SYNDIG1: variants seen among roughly 807,000 people sequenced by gnomAD.
The protein encoded by SYNDIG1 is synapse differentiation inducing 1.
SYNDIG1 carries 9 observed loss-of-function variants against 19.4 expected under a neutral mutation model. The observed-to-expected ratio is 0.46, with a 90% CI of 0.28 to 0.81. The LOEUF is 0.81. SYNDIG1 is among the 30% of genes least tolerant of loss of function. The probability of loss-of-function intolerance (pLI) is 0.12; values close to 1 mark genes in which losing one functional copy is unlikely to be tolerated. For synonymous variants in SYNDIG1, 141 were observed against 145.9 expected (o/e 0.97, Z 0.24); for missense variants, 311 against 343.3 (o/e 0.91, Z 0.74).
chr20:24,549,300 T>G (rs1009913757), intron 2 of SYNDIG1, among the ~76,000 whole-genome samples: 3 of 152,258 alleles, frequency 2.0e-5, no homozygotes, highest in East Asian at 3.9e-4. Context: ...CTTCCACGAG[T>G]GGAACATGCA....
At chr20:24,497,106 T>C (rs1226651445) in intron 1 of SYNDIG1, among the ~76,000 whole-genome samples, 2 of 152,236 alleles carry the variant, frequency 1.3e-5, no homozygotes, top group Non-Finnish European at 2.9e-5. Context: ...ATATTTGAAA[T>C]GAGATGATTG....
intron 3 of SYNDIG1, among the ~76,000 whole-genome samples, chr20:24,602,388 T>A (rs774518893): frequency 4.6e-5 from 7 of 152,184 alleles, no homozygotes; most frequent in Non-Finnish European, 1.0e-4. Context: ...ACACTCAAGC[T>A]CCGAGGTGAA....
intron 3 of SYNDIG1, among the ~76,000 whole-genome samples, chr20:24,591,155 T>C (rs1051399143): frequency 6.6e-6 from 1 of 151,650 alleles, no homozygotes; most frequent in Non-Finnish European, 1.5e-5. Flanking sequence ...ATTTAGAAAA[T>C]GCACGTATTT....
intron 3 of SYNDIG1, among the ~76,000 whole-genome samples, chr20:24,588,424 G>A (rs778251724): frequency 6.6e-6 from 1 of 152,230 alleles, no homozygotes; most frequent in Non-Finnish European, 1.5e-5. Flanking sequence ...TGTGCGCCAG[G>A]TTCAGCGCTG....
intron 3 of SYNDIG1, among the ~76,000 whole-genome samples, chr20:24,651,262 C>G (rs950247947): frequency 1.3e-5 from 2 of 152,130 alleles, no homozygotes; most frequent in African/African-American, 4.8e-5. Context: ...GGGCCATTCC[C>G]CAAATATCAT....
chr20:24,614,384 A>G (rs1404794925), intron 3 of SYNDIG1, among the ~76,000 whole-genome samples: 1 of 152,198 alleles, frequency 6.6e-6, no homozygotes, highest in African/African-American at 2.4e-5. Flanking sequence ...TACAATAAAT[A>G]TACTTTTTTG....
At chr20:24,637,744 G>T (rs954557166) in intron 3 of SYNDIG1, among the ~76,000 whole-genome samples, 2 of 152,206 alleles carry the variant, frequency 1.3e-5, no homozygotes, top group Non-Finnish European at 2.9e-5. Flanking sequence ...AGGTGTACAG[G>T]TGTCACCAAG....
At chr20:24,649,178 G>T (rs963093377) in intron 3 of SYNDIG1, among the ~76,000 whole-genome samples, 1 of 152,208 alleles carries the variant, frequency 6.6e-6, no homozygotes, top group African/African-American at 2.4e-5. Flanking sequence ...GAGACATCCT[G>T]TTGAGGAGAT....
rs573164200 is a variant in SYNDIG1, at chr20:24,649,267, G to A, written c.619-16079G>A. On this transcript the variant is annotated intron_variant, in intron 3 of 3. Coordinates refer to ENST00000376862, the MANE Select transcript of SYNDIG1 (RefSeq NM_024893.3). The stretch of plus-strand genomic sequence containing the variant: ...TTGGGTGGACACTCAGCTGACCATC[G>A]TTTTTATGTTTACTCCCCTCATTCA... 5.3e-5 allele frequency among the ~76,000 whole-genome samples: 8 copies of A among 152,270 alleles called. No homozygotes were observed. The East Asian group carries it at 9.6e-4, about 18-fold the overall frequency.
intron 2 of SYNDIG1, among the ~76,000 whole-genome samples, chr20:24,557,627 G>A (rs900968259): frequency 9.2e-5 from 14 of 152,266 alleles, no homozygotes; most frequent in East Asian, 5.8e-4. Flanking sequence ...GTGGATTTTC[G>A]TGAACCTCGA....
Position 24,637,992 on chromosome 20 carries a change from G to A in SYNDIG1, c.619-27354G>A, listed in dbSNP as rs552825745. Among the ~76,000 whole-genome samples the A allele has an allele frequency of 7.2e-5, 11 of 152,368 alleles. No homozygotes were observed. The South Asian group carries it at 2.3e-3, about 32-fold the overall frequency. On this transcript the variant is annotated intron_variant, in intron 3 of 3. Coordinates refer to ENST00000376862, the MANE Select transcript of SYNDIG1 (RefSeq NM_024893.3). ...TTGACCAAGGCCACAGCTAGTTAAT[G>A]GCCAAGCTGGGACTAACATCCAGTC...
intron 1 of SYNDIG1, among the ~76,000 whole-genome samples, chr20:24,526,086 T>C (rs2057117311): frequency 6.6e-6 from 1 of 152,194 alleles, no homozygotes; most frequent in African/African-American, 2.4e-5. Flanking sequence ...TCCATCCTTT[T>C]ACTTTTAGCG....
chr20:24,623,568 T>G (rs2147245277), intron 3 of SYNDIG1, among the ~76,000 whole-genome samples: 1 of 152,338 alleles, frequency 6.6e-6, no homozygotes, highest in African/African-American at 2.4e-5. Context: ...ATAGTGATGC[T>G]GGCTTTGGTG....
In SYNDIG1 at chr20:24,582,558, G is replaced by A. The variant is rs1190799017; in HGVS notation, c.481-2298G>A. ...CTCCCCACTGCTTGTCCTTCCCACC[G>A]CACGTCCTTTTTGCAGATTCCAGAC... is the stretch of plus-strand genomic sequence containing the variant. On this transcript the variant is annotated intron_variant, in intron 2 of 3. Transcript: ENST00000376862. Among the ~76,000 whole-genome samples the A allele has an allele frequency of 4.2e-5, 6 of 142,072 alleles. 1 individual carries two copies. Among genetic ancestry groups the A allele is most frequent in the Admixed American group, 2.9e-4 (4 of 13,842 alleles). The allele number at this position is 142,072 out of a possible 152,430, so 93.2% of individuals were successfully genotyped here.
chr20:24,510,988 T>G (rs1245950990), intron 1 of SYNDIG1, among the ~76,000 whole-genome samples: 1 of 152,238 alleles, frequency 6.6e-6, no homozygotes, highest in African/African-American at 2.4e-5. Context: ...GTGTCTTAAA[T>G]TCAGTAGTTA....
At chr20:24,519,973 TTC>T (rs1188051781) in intron 1 of SYNDIG1, among the ~76,000 whole-genome samples, 1 of 152,196 alleles carries the variant, frequency 6.6e-6, no homozygotes, top group Non-Finnish European at 1.5e-5. Context: ...CTGTGGCTCT[TTC>T]TCTCTTAGTT....
intron 3 of SYNDIG1, among the ~76,000 whole-genome samples, chr20:24,657,722 C>G (rs914687778): frequency 2.0e-5 from 3 of 152,176 alleles, no homozygotes; most frequent in Non-Finnish European, 2.9e-5. Context: ...AGTTGCTGTT[C>G]AGCTTCTCTT....
chr20:24,624,106 C>G (rs1012050487), intron 3 of SYNDIG1, among the ~76,000 whole-genome samples: 1 of 151,726 alleles, frequency 6.6e-6, no homozygotes, highest in Non-Finnish European at 1.5e-5. Flanking sequence ...ACTAAAAATG[C>G]AAAAAAATAG....
intron 3 of SYNDIG1, among the ~76,000 whole-genome samples, chr20:24,638,256 C>G (rs572263079): frequency 1.3e-5 from 2 of 152,066 alleles, no homozygotes; most frequent in African/African-American, 4.8e-5. Flanking sequence ...GGTGCAAAAT[C>G]GGATTTTTTA....
Sources: allele counts gnomAD v4.1 joint callset (sites outside exome capture counted in the v4.1 genomes callset), GRCh38; gene constraint gnomAD v4.1.1; transcripts MANE v1.5; gene names NCBI Gene and HGNC (gene_info 2026-07-23, HGNC 2026-07-21).